Variants in PIP5K1A observed in about 807,000 individuals in gnomAD.
PIP5K1A encodes the protein phosphatidylinositol-4-phosphate 5-kinase type 1 alpha.
PIP5K1A carries 46 observed loss-of-function variants against 72.9 expected under a neutral mutation model. The ratio of observed to expected loss-of-function variants is 0.63; its 90% CI spans 0.50 to 0.81. The LOEUF (loss-of-function observed/expected upper bound fraction) is 0.81, where lower values mean the gene tolerates loss of function less well. Among genes scored for constraint, PIP5K1A ranks in the 30% least tolerant of loss-of-function variants. The probability of loss-of-function intolerance (pLI) is 0.00; values close to 1 mark genes in which losing one functional copy is unlikely to be tolerated. For synonymous variants in PIP5K1A, 228 were observed against 255.1 expected (o/e 0.89, Z 1.01); for missense variants, 458 against 706.1 (o/e 0.65, Z 3.98).
At chr1:151,220,292 C>G (rs1029631045) in intron 1 of PIP5K1A, among the ~76,000 whole-genome samples, 2 of 152,024 alleles carry the variant, frequency 1.3e-5, no homozygotes, top group African/African-American at 4.8e-5. Flanking sequence ...GCATGAGCCA[C>G]CGCACCCGGC....
At position 151,199,013 on chromosome 1, in the gene PIP5K1A, C is replaced by T. The variant is rs757909566; in HGVS notation, c.17C>T (p.Ser6Phe). MASAS[S>F]GPSSSVGFSS... The stretch of plus-strand genomic sequence containing the variant: ...GCTGCTAAGATGGCGTCGGCCTCCT[C>T]CGGGCCGTCGTCTTCGGTCGGTTTT... The change falls in exon 1 of 16, where the codon TCC becomes TTC. Residue 6 changes from serine to phenylalanine, a missense_variant. Around this residue, in one of 3 missense-constraint regions of PIP5K1A, gnomAD observed 81 missense variants for 88.0 expected, o/e 0.92. Transcript: ENST00000368888. The T allele has an allele frequency of 1.2e-6, 2 of 1,614,036 alleles. No individual in the cohort carries two copies. Among genetic ancestry groups the T allele is most frequent in the Non-Finnish European group, 8.5e-7 (1 of 1,180,018 alleles).
At position 151,225,132 on chromosome 1, in the gene PIP5K1A, C is replaced by G. The variant is rs184983581; in HGVS notation, c.156+726C>G. 6.8e-4 allele frequency among the ~76,000 whole-genome samples: 104 copies of G among 152,182 alleles called. 1 individual carries two copies. In the Middle Eastern group the frequency reaches 0.02, roughly 30 times the overall value. ...AGAGGATTGCTTGAGGCCAGGAGAT[C>G]GAGACAGGCCTGTGCAACATAGTGA... On this transcript the variant is annotated intron_variant, in intron 3 of 15. Transcript: ENST00000368888.
rs142778337 is a variant in PIP5K1A, at chr1:151,240,887, C to T, written c.1363+848C>T. Among the ~76,000 whole-genome samples, 427 of 152,088 alleles carry T rather than the reference C, an allele frequency of 2.8e-3. 2 individuals carry two copies. Among genetic ancestry groups the T allele is most frequent in the African/African-American group, 9.6e-3 (400 of 41,482 alleles). On this transcript the variant is annotated intron_variant, in intron 12 of 15. Transcript: ENST00000368888. ...AGTGAAAGAGTTATCTTTCTTGGCC[C>T]GGCACGGTGGCTCACACCTGTAATC...
intron 3 of PIP5K1A, among the ~76,000 whole-genome samples, chr1:151,225,558 C>A (rs587771641): frequency 2.0e-3 from 306 of 152,004 alleles, no homozygotes; most frequent in African/African-American, 7.1e-3. Flanking sequence ...TGTCCTCTGC[C>A]TCCCAGGTTC....
chr1:151,201,033 A>G (rs2101835505), intron 1 of PIP5K1A, among the ~76,000 whole-genome samples: 1 of 152,146 alleles, frequency 6.6e-6, no homozygotes, highest in East Asian at 1.9e-4. Flanking sequence ...ACGGGGTTTC[A>G]CCGTGTTAGC....
intron 13 of PIP5K1A, 49 bp downstream of exon 13, chr1:151,242,318 C>A: frequency 6.2e-7 from 1 of 1,604,908 alleles, no homozygotes; most frequent in Non-Finnish European, 8.5e-7. Context: ...TCCCTCCCTT[C>A]CTTCTGAGCC....
chr1:151,224,775 TGTTA>T (rs1463889311), intron 3 of PIP5K1A, among the ~76,000 whole-genome samples: 3 of 152,192 alleles, frequency 2.0e-5, no homozygotes, highest in African/African-American at 7.2e-5. Context: ...ATGCAGAAGC[TGTTA>T]GTTTCACAAG....
intron 1 of PIP5K1A, among the ~76,000 whole-genome samples, chr1:151,206,449 G>A (rs1685939179): frequency 1.3e-5 from 2 of 152,164 alleles, no homozygotes; most frequent in African/African-American, 4.8e-5. Context: ...GGTTGGGGGT[G>A]GGCAAAGGGG....
At chr1:151,225,398 A>G (rs1688962782) in intron 3 of PIP5K1A, among the ~76,000 whole-genome samples, 1 of 151,550 alleles carries the variant, frequency 6.6e-6, no homozygotes, top group South Asian at 2.1e-4. Context: ...GAGTAACTTC[A>G]TGTCTGTTGC....
intron 1 of PIP5K1A, among the ~76,000 whole-genome samples, chr1:151,201,906 T>C (rs1380041792): frequency 2.0e-5 from 3 of 152,082 alleles, no homozygotes; most frequent in Non-Finnish European, 4.4e-5. Context: ...TTCAAGCTCT[T>C]GATGGACTAT....
chr1:151,227,400 G>T lies in PIP5K1A; in HGVS notation c.237G>T (p.Lys79Asn). The T allele has an allele frequency of 6.2e-7, 1 of 1,604,640 alleles. No homozygotes were observed. Among genetic ancestry groups the T allele is most frequent in the Non-Finnish European group, 8.5e-7 (1 of 1,171,764 alleles). Residue 79 changes from lysine (K) to asparagine (N), a missense_variant and splice_region_variant, in exon 4 of 16, where the codon AAG (lysine) becomes AAT (asparagine). This residue lies in a region of PIP5K1A where 220 missense variants were observed against 442.6 expected (regional missense o/e 0.50). Coordinates refer to ENST00000368888, the MANE Select transcript of PIP5K1A (RefSeq NM_001135638.2). ...VDSSGETTYKKTTSSALKGAI... is the reference protein window; with the variant it reads ...VDSSGETTYKNTTSSALKGAI... The stretch of plus-strand genomic sequence containing the variant: ...CCTCAGGAGAGACAACATATAAAAA[G>T]GTGTGTCTGGATGAAACCGTCTCAT...
intron 1 of PIP5K1A, among the ~76,000 whole-genome samples, chr1:151,212,187 T>G (rs1221695094): frequency 6.6e-6 from 1 of 151,902 alleles, no homozygotes; most frequent in African/African-American, 2.4e-5. Context: ...GTGCGGTAGC[T>G]TAACGCCTGT....
chr1:151,234,862 A>G (rs1368035607), intron 8 of PIP5K1A, among the ~76,000 whole-genome samples: 1 of 152,228 alleles, frequency 6.6e-6, no homozygotes, highest in African/African-American at 2.4e-5. Flanking sequence ...TGGCATCTAC[A>G]GAATTATGAT....
At chr1:151,196,125 C>G (rs1323105304), upstream of PIP5K1A, among the ~76,000 whole-genome samples, 1 of 151,914 alleles carries the variant, frequency 6.6e-6, no homozygotes, top group Non-Finnish European at 1.5e-5. Flanking sequence ...TCTCGATCTC[C>G]TGACCTCGTG....
At chr1:151,209,389 G>T (rs1372705962) in intron 1 of PIP5K1A, among the ~76,000 whole-genome samples, 1 of 149,482 alleles carries the variant, frequency 6.7e-6, no homozygotes, top group Non-Finnish European at 1.5e-5. Flanking sequence ...TTCTGCCTTA[G>T]CCTCTCTAGT....
chr1:151,215,094 G>A (rs1263842531), intron 1 of PIP5K1A, among the ~76,000 whole-genome samples: 2 of 146,890 alleles, frequency 1.4e-5, no homozygotes, highest in Non-Finnish European at 3.0e-5. Context: ...GCAATGGCGC[G>A]ATCTCAGCTC....
chr1:151,196,432 G>C (rs1451250373), upstream of PIP5K1A, among the ~76,000 whole-genome samples: 1 of 151,884 alleles, frequency 6.6e-6, no homozygotes, highest in Non-Finnish European at 1.5e-5. Context: ...TTACAAACAA[G>C]ATTTTGTCTA....
At chr1:151,222,950 T>C (rs1688591043) in intron 1 of PIP5K1A, among the ~76,000 whole-genome samples, 1 of 151,376 alleles carries the variant, frequency 6.6e-6, no homozygotes, top group Admixed American at 6.6e-5. Context: ...GCATGGTGGC[T>C]CATGCCTGTA....
intron 1 of PIP5K1A, among the ~76,000 whole-genome samples, chr1:151,222,079 C>T (rs200742927): frequency 1.3e-5 from 2 of 152,132 alleles, no homozygotes; most frequent in East Asian, 1.9e-4. Context: ...ATTGTGAGAC[C>T]ATGTCTCAAA....
Sources: gnomAD v4.1 joint callset for allele counts (sites outside exome capture counted in the v4.1 genomes callset) on GRCh38, gnomAD v4.1.1 for gene constraint, gnomAD v4.1.1 regional missense constraint, MANE v1.5 for transcripts, NCBI Gene and HGNC (gene_info 2026-07-23, HGNC 2026-07-21) for gene names.